Variants in KCNN4 observed in about 807,000 individuals in gnomAD.
The protein encoded by KCNN4 is intermediate conductance calcium-activated potassium channel protein 4.
Under a neutral mutation model 45.2 loss-of-function variants are expected in KCNN4, and 31 were observed. The observed-to-expected ratio is 0.69, with a 90% CI of 0.52 to 0.92. The LOEUF is 0.92. Ranked by LOEUF, KCNN4 falls within the 40% of genes least tolerant of loss-of-function variation. The pLI, the probability that KCNN4 is intolerant of heterozygous loss-of-function variation, is 0.00. For synonymous variants in KCNN4, 231 were observed against 254.6 expected (o/e 0.91, Z 0.88); for missense variants, 463 against 574.0 (o/e 0.81, Z 1.98).
At chr19:43,778,264 G>C (rs1394407535) in intron 1 of KCNN4, among the ~76,000 whole-genome samples, 1 of 151,118 alleles carries the variant, frequency 6.6e-6, no homozygotes, top group African/African-American at 2.4e-5. Context: ...TTTTGAGACG[G>C]AGTCTTGCTC....
chr19:43,776,508 G>A (rs1969809147), intron 2 of KCNN4, 33 bp downstream of exon 2: 1 of 1,454,972 alleles, frequency 6.9e-7, no homozygotes, highest in Non-Finnish European at 9.6e-7. Context: ...GGGGGTTGGA[G>A]GGAGCAAGGC....
chr19:43,767,537 C>T lies in KCNN4; in HGVS notation c.*3+3G>A, dbSNP rs767753299. 1 of 1,612,788 alleles carries T rather than the reference C, an allele frequency of 6.2e-7. No homozygotes were observed. The highest frequency in any genetic ancestry group is 8.5e-7 in the Non-Finnish European group (1 of 1,179,582). ...CTTCCTGCCCAAGTCCCAGCCCCCT[C>T]ACCAGCTACTTGGACTGCTGGCTGG... On this transcript the variant is annotated splice_donor_region_variant and intron_variant, in intron 8 of 8. Coordinates refer to ENST00000648319, the MANE Select transcript of KCNN4 (RefSeq NM_002250.3).
chr19:43,776,717 A>AT (rs373080093), intron 1 of KCNN4, 81 bp from the exon 2 acceptor site: 25,599 of 629,784 alleles, frequency 0.041, 55 homozygotes, highest in African/African-American at 0.059. Context: ...CAAAACCACC[A>AT]TTTTTTTTTT....
chr19:43,773,037 C>T (rs1969687971), intron 3 of KCNN4, among the ~76,000 whole-genome samples: 1 of 152,218 alleles, frequency 6.6e-6, no homozygotes, highest in Non-Finnish European at 1.5e-5. Flanking sequence ...AGAGGGCGGG[C>T]ATGGTAATCC....
At chr19:43,770,984 C>T (rs1969627464) in intron 4 of KCNN4, among the ~76,000 whole-genome samples, 3 of 152,194 alleles carry the variant, frequency 2.0e-5, no homozygotes, top group Non-Finnish European at 4.4e-5. Flanking sequence ...ACATCCTTCA[C>T]CTGTGCACCT....
In KCNN4 at chr19:43,769,810, A is replaced by C. The variant is rs1200218524; in HGVS notation, c.839T>G (p.Leu280Arg). 1 of 1,612,734 alleles carries C rather than the reference A, an allele frequency of 6.2e-7. No individual in the cohort carries two copies. The highest frequency in any genetic ancestry group is 8.5e-7 in the Non-Finnish European group (1 of 1,179,704). Residue 280 changes from leucine to arginine, a missense_variant, in exon 5 of 9, where the codon CTG (leucine) becomes CGG (arginine). By Grantham distance (102) the Leu-to-Arg change is moderately radical (BLOSUM62 -2). This residue lies in a region of KCNN4 where 109 missense variants were observed against 183.7 expected (regional missense o/e 0.59). Transcript: ENST00000648319. The surrounding 1 kb of genome is among the most constrained non-coding windows in gnomAD (Gnocchi z 4.4). ...CTTCCGGGCCACCACGGCCACCAGC[A>C]GGGCTGTGCAGCAGACACCCTGTGG... ...TGVMGVCCTA[L>R]LVAVVARKLE...
At chr19:43,780,345 GC>G (rs1568396764) in intron 1 of KCNN4, among the ~76,000 whole-genome samples, 1 of 145,424 alleles carries the variant, frequency 6.9e-6, no homozygotes, top group African/African-American at 2.6e-5. Flanking sequence ...AAGAGTCTAG[GC>G]CCCCAACCTC....
chr19:43,779,799 C>A (rs1335101087), intron 1 of KCNN4, among the ~76,000 whole-genome samples: 2 of 152,126 alleles, frequency 1.3e-5, no homozygotes, highest in Non-Finnish European at 2.9e-5. Flanking sequence ...GAATCCAGGA[C>A]CCAGCCCCCT....
intron 1 of KCNN4, among the ~76,000 whole-genome samples, chr19:43,780,317 C>T (rs955283916): frequency 6.6e-6 from 1 of 151,866 alleles, no homozygotes; most frequent in African/African-American, 2.4e-5. Flanking sequence ...CAGCCAAAGC[C>T]CCTCCTCCCT....
At position 43,774,676 on chromosome 19, in the gene KCNN4, CG is replaced by C; in HGVS notation, c.256-58del. The C allele has an allele frequency of 2.1e-6, 3 of 1,405,168 alleles. No individual in the cohort carries two copies. Among genetic ancestry groups the C allele is most frequent in the Admixed American group, 3.0e-5 (1 of 33,366 alleles). The allele number at this position is 1,405,168 out of a possible 1,614,324, so 87.0% of individuals were successfully genotyped here. A position where few individuals can be genotyped will look rare whatever the true frequency, so the allele number is the denominator to read the frequency against. ...AGGAGCAGGTCAGGCGCAGGTCAGGCGGCGGCCCGCGCCTGCCTGCGCCCTG... is the reference window on the plus strand; with the variant it reads ...AGGAGCAGGTCAGGCGCAGGTCAGGCGCGGCCCGCGCCTGCCTGCGCCCTG... On this transcript the variant is annotated intron_variant, in intron 2 of 8. Coordinates refer to ENST00000648319, the MANE Select transcript of KCNN4 (RefSeq NM_002250.3). This position sits in a 1 kb window ranked among gnomAD's most constrained non-coding sequence, Gnocchi z 5.6.
rs143707474 is a variant in KCNN4, at chr19:43,776,825, C to T, written c.160-189G>A. On this transcript the variant is annotated intron_variant, in intron 1 of 8. Coordinates refer to ENST00000648319, the MANE Select transcript of KCNN4 (RefSeq NM_002250.3). ...TCAAAACCATCATCTGGGCCCAGTG[C>T]GGTGGCTCACACCTGTAATCCCAAC... The T allele has an allele frequency of 1.6e-3, 958 of 584,892 alleles. 15 individuals are homozygous for T. The East Asian group carries it at 0.023, about 14-fold the overall frequency. The allele number at this position is 584,892 out of a possible 1,614,324, so 36.2% of individuals were successfully genotyped here.
At chr19:43,780,492 G>GCCCCCAGC (rs1969948353) in intron 1 of KCNN4, among the ~76,000 whole-genome samples, 2 of 83,828 alleles carry the variant, frequency 2.4e-5, no homozygotes, top group Non-Finnish European at 4.4e-5. Context: ...AGGAGTCCAG[G>GCCCCCAGC]CCCTCAGTCC....
chr19:43,767,303 G>A, intron 8 of KCNN4: 1 of 536,388 alleles, frequency 1.9e-6, no homozygotes, highest in South Asian at 2.4e-5. Context: ...GAGAGAGAGA[G>A]AGACCAAGCA....
intron 7 of KCNN4, 25 bp from the exon 8 acceptor site, chr19:43,767,732 G>A: frequency 6.2e-7 from 1 of 1,613,546 alleles, no homozygotes. Context: ...AGGATCAGAG[G>A]TGTCGGGGCT....
At chr19:43,776,758 C>G in intron 1 of KCNN4, 122 bp from the exon 2 acceptor site, 1 of 677,508 alleles carries the variant, frequency 1.5e-6, no homozygotes, top group East Asian at 2.7e-5. Context: ...CCTCCTTCCC[C>G]TGCAAATCAG....
intron 3 of KCNN4, among the ~76,000 whole-genome samples, chr19:43,773,569 C>G (rs1050996159): frequency 6.6e-5 from 10 of 152,164 alleles, no homozygotes; most frequent in Non-Finnish European, 1.2e-4. Flanking sequence ...TGCAAGTTCC[C>G]AGGTGATGCT....
In KCNN4 at chr19:43,772,166, C is replaced by A. The variant is rs776039339; in HGVS notation, c.684-31G>T. ...GGGAAGGGTAGGTTAGTTCTAAAAC[C>A]CCACCATAGAGGTTTCCATGATATT... On this transcript the variant is annotated intron_variant, in intron 3 of 8. Coordinates refer to ENST00000648319, the MANE Select transcript of KCNN4 (RefSeq NM_002250.3). The surrounding 1 kb of genome is among the most constrained non-coding windows in gnomAD (Gnocchi z 4.4). The A allele has an allele frequency of 6.2e-7, 1 of 1,610,060 alleles. No homozygotes were observed. The highest frequency in any genetic ancestry group is 8.5e-7 in the Non-Finnish European group (1 of 1,178,734).
In KCNN4 at chr19:43,780,866, C is replaced by T; in HGVS notation, c.-5G>A. 2 of 1,613,676 alleles carry T rather than the reference C, an allele frequency of 1.2e-6. No individual in the cohort carries two copies. Among genetic ancestry groups the T allele is most frequent in the Non-Finnish European group, 1.7e-6 (2 of 1,179,820 alleles). ...AAGCACCAGATCCCCGCCCATGGCC[C>T]CCGGGGTCTTGGGGCTCAGCCAGCT... On this transcript the variant is annotated 5_prime_UTR_variant, in exon 1 of 9. Coordinates refer to ENST00000648319, the MANE Select transcript of KCNN4 (RefSeq NM_002250.3).
chr19:43,772,526 AG>A lies in KCNN4; in HGVS notation c.684-392del, dbSNP rs1446430158. The stretch of plus-strand genomic sequence containing the variant: ...CTGACTGGTGGCTACATCCACCCAG[AG>A]GAAGGGGTATATTTTTCTAATTTCC... On this transcript the variant is annotated intron_variant, in intron 3 of 8. Coordinates refer to ENST00000648319, the MANE Select transcript of KCNN4 (RefSeq NM_002250.3). The surrounding 1 kb of genome is among the most constrained non-coding windows in gnomAD (Gnocchi z 4.4). Among the ~76,000 whole-genome samples, 1 of 152,118 alleles carries A rather than the reference AG, an allele frequency of 6.6e-6. No homozygotes were observed. The highest frequency in any genetic ancestry group is 1.5e-5 in the Non-Finnish European group (1 of 68,034).
Sources: gnomAD v4.1 joint callset for allele counts (sites outside exome capture counted in the v4.1 genomes callset) on GRCh38, gnomAD v4.1.1 for gene constraint, gnomAD v4.1.1 regional missense constraint, Gnocchi (gnomAD v3.1) non-coding constraint, MANE v1.5 for transcripts, NCBI Gene and HGNC (gene_info 2026-07-23, HGNC 2026-07-21) for gene names.